The following TTN variants were observed in gnomAD, a reference collection of about 807,000 sequenced individuals.
TTN encodes the protein connectin.
In TTN, 1,525 loss-of-function variants were observed where a neutral mutation model predicts 3,223.0. That is an observed-to-expected ratio of 0.47 (90% CI 0.45 to 0.49). TTN has a LOEUF of 0.49. Among genes scored for constraint, TTN ranks in the 20% least tolerant of loss-of-function variants. The probability of loss-of-function intolerance (pLI) is 0.00; values close to 1 mark genes in which losing one functional copy is unlikely to be tolerated. For missense variants in TTN, 40,786 were observed against 43,424.0 expected (o/e 0.94, Z 5.40); for synonymous variants, 14,094 against 15,161.0 (o/e 0.93, Z 5.17).
At chr2:178,746,595 T>C (rs1170020230) in intron 47 of TTN, 1 of 1,613,258 alleles carries the variant, frequency 6.2e-7, no homozygotes, top group East Asian at 2.2e-5. Flanking sequence ...ATGTCTACAT[T>C]TGCAAAGCTC....
Position 178,583,213 on chromosome 2 carries a change from C to G in TTN, c.65590G>C (p.Asp21864His), listed in dbSNP as rs375149365. The G allele has an allele frequency of 2.9e-5, 47 of 1,603,300 alleles. No individual in the cohort carries two copies. The highest frequency in any genetic ancestry group is 3.7e-5 in the Non-Finnish European group (43 of 1,173,694). ...ILAENVPPRI[D>H]LSVAMKSLLT... ...AAAGATTTCATAGCCACACTCAGGT[C>G]TATCCTGGGAGGGACTGGAAAGAAA... Residue 21864 changes from aspartate (D) to histidine (H), a missense_variant, in exon 313 of 363, where the codon GAC becomes CAC. Transcript: ENST00000589042.
rs561588883 is a variant in TTN, at chr2:178,565,146, G to T, written c.80986C>A (p.Pro26996Thr). The change falls in exon 326 of 363, where the codon CCT becomes ACT. Residue 26996 changes from proline (P) to threonine (T), a missense_variant. By Grantham distance (38) the Pro-to-Thr change is conservative. Coordinates refer to ENST00000589042, the MANE Select transcript of TTN (RefSeq NM_001267550.2). Reference protein sequence around the residue: ...SADFVVISWEPPAYTGGCQIS... With the variant: ...SADFVVISWETPAYTGGCQIS... ...TGGCAGCCACCAGTATAGGCTGGAGGTTCCCAAGATATGACTACAAAGTCT... is the reference window on the plus strand; with the variant it reads ...TGGCAGCCACCAGTATAGGCTGGAGTTTCCCAAGATATGACTACAAAGTCT... 1 of 1,613,366 alleles carries T rather than the reference G, an allele frequency of 6.2e-7. No individual in the cohort carries two copies. The highest frequency in any genetic ancestry group is 1.1e-5 in the South Asian group (1 of 90,998).
chr2:178,732,650 T>C lies in TTN; in HGVS notation c.16411A>G (p.Ser5471Gly), dbSNP rs757968547. ...VLPGSAVCLKSTFQGSTPLTI... is the reference protein window; with the variant it reads ...VLPGSAVCLKGTFQGSTPLTI... ...AGAGGAGTAGATCCTTGGAAAGTGCTCTTCAGGCAGACTGCTGAGCCAGGC... is the reference window on the plus strand; with the variant it reads ...AGAGGAGTAGATCCTTGGAAAGTGCCCTTCAGGCAGACTGCTGAGCCAGGC... Residue 5471 changes from serine to glycine, a missense_variant, in exon 56 of 363, where the codon AGC (serine) becomes GGC (glycine). Transcript: ENST00000589042. 2 of 1,612,438 alleles carry C rather than the reference T, an allele frequency of 1.2e-6. No individual in the cohort carries two copies. Among genetic ancestry groups the C allele is most frequent in the South Asian group, 2.2e-5 (2 of 90,856 alleles).
At position 178,729,433 on chromosome 2, in the gene TTN, G is replaced by T. The variant is rs1015857991; in HGVS notation, c.18723C>A (p.Ser6241Arg). The T allele has an allele frequency of 6.8e-6, 11 of 1,613,488 alleles. No individual in the cohort carries two copies. Among genetic ancestry groups the T allele is most frequent in the Non-Finnish European group, 9.3e-6 (11 of 1,179,662 alleles). Residue 6241 changes from serine to arginine, a missense_variant, in exon 64 of 363, where the codon AGC (serine) becomes AGA (arginine). By Grantham distance (110) the Ser-to-Arg change is moderately radical. Coordinates refer to ENST00000589042, the MANE Select transcript of TTN (RefSeq NM_001267550.2). ...TGTCGGTCAATGTGTATTTTTTGCT[G>T]CTTCGAATTTCCCTGTTATTCTTCA... ...TWLKNNREIR[S>R]SKKYTLTDRV...
In TTN at chr2:178,636,828, T is replaced by C. The variant is rs2060494283; in HGVS notation, c.40928-29A>G. On this transcript the variant is annotated intron_variant, in intron 224 of 362. Transcript: ENST00000589042. The surrounding 1 kb of genome is among the most constrained non-coding windows in gnomAD (Gnocchi z 4.3). ...ATTCAAAGTAAAATAAAAAGTTGATTTGGCATCTCCTTAGGAGTCAGAAAG... is the reference window on the plus strand; with the variant it reads ...ATTCAAAGTAAAATAAAAAGTTGATCTGGCATCTCCTTAGGAGTCAGAAAG... The C allele has an allele frequency of 3.9e-6, 6 of 1,535,124 alleles. No individual in the cohort carries two copies. The African/African-American group carries it at 5.5e-5, about 14-fold the overall frequency.
chr2:178,608,599 A>G lies in TTN; in HGVS notation c.52405+7T>C, dbSNP rs374157382. The G allele has an allele frequency of 3.1e-6, 5 of 1,606,950 alleles. No homozygotes were observed. Among genetic ancestry groups the G allele is most frequent in the Non-Finnish European group, 4.2e-6 (5 of 1,177,186 alleles). On this transcript the variant is annotated splice_region_variant and intron_variant, in intron 274 of 362. Transcript: ENST00000589042. ...AAGGCAAACTTTAGATGCCAAAGGA[A>G]ACTTACCAAATGGATCTTTAGCCAC...
chr2:178,642,200 T>C, intron 219 of TTN, 37 bp downstream of exon 219: 17 of 1,503,078 alleles, frequency 1.1e-5, no homozygotes, highest in Non-Finnish European at 1.5e-5. Context: ...TTTTAAAATA[T>C]ACTTAACGCT....
At chr2:178,554,405 A>G (rs369899876) in intron 332 of TTN, 48 bp downstream of exon 332, 6 of 1,578,824 alleles carry the variant, frequency 3.8e-6, no homozygotes, top group Non-Finnish European at 5.2e-6. Flanking sequence ...AGCGTAGTTT[A>G]TTTTTAAATT....
chr2:178,729,682 T>C lies in TTN; in HGVS notation c.18571A>G (p.Ile6191Val). The C allele has an allele frequency of 6.2e-7, 1 of 1,613,756 alleles. No homozygotes were observed. Residue 6191 changes from isoleucine (I) to valine (V), a missense_variant, in exon 63 of 363, where the codon ATT becomes GTT. Transcript: ENST00000589042. ...RNDAGTASCS[I>V]ELKVKEPPTF... ...CACGAACCTTTCACTTTGAGTTCAA[T>C]GCTGCAGCTCGCCGTGCCTGCGTCA...
chr2:178,714,466 A>C lies in TTN; in HGVS notation c.26308T>G (p.Phe8770Val), dbSNP rs2077156183. ...EGAEPISVVW[F>V]KDKGEIVRES... ...CTAACGATTTCTCCCTTATCTTTGA[A>C]CCACACCACTGAAATGGGTTCAGCG... is the stretch of plus-strand genomic sequence containing the variant. The change falls in exon 91 of 363, where the codon TTC becomes GTC. Residue 8770 changes from phenylalanine to valine, a missense_variant. Coordinates refer to ENST00000589042, the MANE Select transcript of TTN (RefSeq NM_001267550.2). 6.2e-7 allele frequency: 1 copy of C among 1,613,502 alleles called. No individual in the cohort carries two copies. Among genetic ancestry groups the C allele is most frequent in the South Asian group, 1.1e-5 (1 of 91,068 alleles).
intron 22 of TTN, 88 bp downstream of exon 22, chr2:178,779,912 G>A (rs763192768): frequency 1.5e-6 from 2 of 1,360,696 alleles, no homozygotes; most frequent in East Asian, 2.3e-5. Context: ...CTAACCCCGA[G>A]CTCATCACTT....
intron 316 of TTN, 67 bp from the exon 317 acceptor site, chr2:178,580,676 C>T (rs1384921617): frequency 4.3e-6 from 6 of 1,400,536 alleles, no homozygotes; most frequent in Admixed American, 5.0e-5. Context: ...AGGGACTGGC[C>T]TTGTCACTCC....
chr2:178,623,996 T>C (rs2058674374), intron 242 of TTN, among the ~76,000 whole-genome samples: 1 of 151,970 alleles, frequency 6.6e-6, no homozygotes, highest in Non-Finnish European at 1.5e-5. Context: ...TTACAGCAGA[T>C]CTCTAGTATG....
chr2:178,672,590 G>A (rs996705190), intron 153 of TTN, 45 bp downstream of exon 153: 10 of 1,607,768 alleles, frequency 6.2e-6, no homozygotes, highest in Admixed American at 1.7e-5. Context: ...AAGTCTTAAC[G>A]AAAAAAGACA....
At chr2:178,786,583 A>G (rs1026131867) in intron 13 of TTN, among the ~76,000 whole-genome samples, 4 of 152,152 alleles carry the variant, frequency 2.6e-5, no homozygotes, top group African/African-American at 9.7e-5. Context: ...GCACTCAAAT[A>G]CCGTCATCAT....
At position 178,732,633 on chromosome 2, in the gene TTN, AGATCCTTGGAAAGTGCTCTTCAG is replaced by A; in HGVS notation, c.16405_16427del (p.Leu5469TyrfsTer9). On this transcript the variant is annotated frameshift_variant, in exon 56 of 363. Transcript: ENST00000589042. LOFTEE classifies it high-confidence loss of function. The stretch of plus-strand genomic sequence containing the variant: ...TAAACCATCTGATTGTGAGAGGAGT[AGATCCTTGGAAAGTGCTCTTCAG>A]GCAGACTGCTGAGCCAGGCAGAACA... The A allele has an allele frequency of 6.2e-7, 1 of 1,613,386 alleles. No homozygotes were observed. Among genetic ancestry groups the A allele is most frequent in the Non-Finnish European group, 8.5e-7 (1 of 1,179,650 alleles).
chr2:178,769,051 G>C, intron 37 of TTN, 118 bp from the exon 38 acceptor site: 1 of 1,162,324 alleles, frequency 8.6e-7, no homozygotes, highest in Non-Finnish European at 1.2e-6. Flanking sequence ...GGAGATTACA[G>C]TTTAGAGATA....
chr2:178,537,780 G>T lies in TTN; in HGVS notation c.99427C>A (p.Gln33143Lys), dbSNP rs1380008073. The change falls in exon 355 of 363, where the codon CAA (glutamine) becomes AAA (lysine). Residue 33143 changes from glutamine to lysine, a missense_variant. Coordinates refer to ENST00000589042, the MANE Select transcript of TTN (RefSeq NM_001267550.2). ...GAAGACATTTTGTATTTCCGGCTTTGTATGAGCTCTTTACCAAATCTGTAC... is the reference window on the plus strand; with the variant it reads ...GAAGACATTTTGTATTTCCGGCTTTTTATGAGCTCTTTACCAAATCTGTAC... ...KWYRFGKELI[Q>K]SRKYKMSSDG... is the part of the protein sequence containing the mutation. 1.2e-5 allele frequency: 20 copies of T among 1,613,586 alleles called. No homozygotes were observed. The highest frequency in any genetic ancestry group is 1.7e-5 in the Non-Finnish European group (20 of 1,179,762).
Position 178,546,048 on chromosome 2 carries a change from T to A in TTN, c.95188A>T (p.Ser31730Cys), listed in dbSNP as rs1213250473. 9 of 1,613,758 alleles carry A rather than the reference T, an allele frequency of 5.6e-6. No individual in the cohort carries two copies. The highest frequency in any genetic ancestry group is 7.6e-6 in the Non-Finnish European group (9 of 1,179,744). ...VTQEKCTLAW[S>C]LPQEDGGAEI... ...GCTCCTCCGTCTTCCTGCGGAAGGCTCCAGGCTAAAGTGCACTTCTCCTGT... is the reference window on the plus strand; with the variant it reads ...GCTCCTCCGTCTTCCTGCGGAAGGCACCAGGCTAAAGTGCACTTCTCCTGT... The change falls in exon 343 of 363, where the codon AGC becomes TGC. Residue 31730 changes from serine to cysteine, a missense_variant. Transcript: ENST00000589042.
Sources: allele counts gnomAD v4.1 joint callset (sites outside exome capture counted in the v4.1 genomes callset), GRCh38; gene constraint gnomAD v4.1.1; non-coding constraint Gnocchi (gnomAD v3.1); transcripts MANE v1.5; gene names NCBI Gene and HGNC (gene_info 2026-07-23, HGNC 2026-07-21).